The following PDE4D variants were observed in gnomAD, a reference collection of about 807,000 sequenced individuals.
PDE4D encodes the protein phosphodiesterase 4D.
Under a neutral mutation model 87.4 loss-of-function variants are expected in PDE4D, and 24 were observed. The ratio of observed to expected loss-of-function variants is 0.27; its 90% CI spans 0.20 to 0.39. The LOEUF (loss-of-function observed/expected upper bound fraction) is 0.39. Among genes scored for constraint, PDE4D ranks in the 10% least tolerant of loss-of-function variants. The pLI, the probability that PDE4D is intolerant of heterozygous loss-of-function variation, is 1.00. For missense variants in PDE4D, 714 were observed against 1,041.0 expected (o/e 0.69, Z 4.32); for synonymous variants, 384 against 383.2 (o/e 1.00, Z -0.02).
At chr5:59,478,540 G>C (rs776136319) in intron 1 of PDE4D, among the ~76,000 whole-genome samples, 5 of 151,930 alleles carry the variant, frequency 3.3e-5, no homozygotes, top group Admixed American at 6.6e-5. Flanking sequence ...TTTAAATTGG[G>C]TACAGAAAGA....
intron 3 of PDE4D, among the ~76,000 whole-genome samples, chr5:59,898,864 A>T (rs1437087953): frequency 6.6e-6 from 1 of 152,158 alleles, no homozygotes; most frequent in African/African-American, 2.4e-5. Context: ...GATGAGTAGG[A>T]TGCAAAGAGA....
chr5:60,378,254 C>T (rs1386353834), intron 1 of PDE4D, among the ~76,000 whole-genome samples: 1 of 152,288 alleles, frequency 6.6e-6, no homozygotes, highest in South Asian at 2.1e-4. Context: ...AAAGGGGACA[C>T]ATGTTGGGTT....
chr5:59,617,900 G>A (rs1829898847), intron 1 of PDE4D, among the ~76,000 whole-genome samples: 1 of 152,142 alleles, frequency 6.6e-6, no homozygotes, highest in South Asian at 2.1e-4. Flanking sequence ...CCAATGAAGT[G>A]CTTTTCACTA....
intron 1 of PDE4D, among the ~76,000 whole-genome samples, chr5:59,290,023 C>G (rs1268687098): frequency 6.6e-6 from 1 of 151,578 alleles, no homozygotes; most frequent in Non-Finnish European, 1.5e-5. Context: ...AAAAAGAGAA[C>G]ACAAAAAAAT....
intron 1 of PDE4D, among the ~76,000 whole-genome samples, chr5:60,225,786 TA>T (rs1176034747): frequency 6.6e-6 from 1 of 152,096 alleles, no homozygotes; most frequent in Non-Finnish European, 1.5e-5. Context: ...TTAAATAGAA[TA>T]AAAATCTTAT....
chr5:59,424,476 TCA>T (rs1269193194), intron 1 of PDE4D, among the ~76,000 whole-genome samples: 2 of 152,166 alleles, frequency 1.3e-5, no homozygotes, highest in Non-Finnish European at 2.9e-5. Flanking sequence ...GTTAACTGAC[TCA>T]CAGTTCCACA....
chr5:60,374,291 C>T (rs958815113), intron 1 of PDE4D, among the ~76,000 whole-genome samples: 1 of 151,948 alleles, frequency 6.6e-6, no homozygotes, highest in African/African-American at 2.4e-5. Flanking sequence ...CTCTCTCCCC[C>T]CAAAAAAACA....
chr5:59,193,788 T>C, intron 2 of PDE4D: 1 of 985,426 alleles, frequency 1.0e-6, no homozygotes, highest in African/African-American at 1.7e-5. Flanking sequence ...TGTTGCTTTT[T>C]AGGCACACAG....
chr5:59,270,735 T>C (rs1158208163), intron 1 of PDE4D, among the ~76,000 whole-genome samples: 1 of 152,170 alleles, frequency 6.6e-6, no homozygotes, highest in Non-Finnish European at 1.5e-5. Context: ...CATCTAGAAA[T>C]ATTCACAACA....
chr5:59,198,846 C>T (rs1746078437), intron 2 of PDE4D, among the ~76,000 whole-genome samples: 1 of 152,024 alleles, frequency 6.6e-6, no homozygotes, highest in Admixed American at 6.6e-5. Flanking sequence ...AATCCAAATG[C>T]CCACACTCTT....
intron 2 of PDE4D, among the ~76,000 whole-genome samples, chr5:60,066,096 G>A (rs1034709241): frequency 9.9e-5 from 15 of 152,100 alleles, no homozygotes; most frequent in African/African-American, 3.4e-4. Flanking sequence ...TCCAGCACCT[G>A]TTGTTTCCTG....
At chr5:60,478,642 C>G (rs1266049396) in intron 1 of PDE4D, among the ~76,000 whole-genome samples, 1 of 152,184 alleles carries the variant, frequency 6.6e-6, no homozygotes, top group Non-Finnish European at 1.5e-5. Context: ...CTTTTCCCCT[C>G]CAAGGTTATC....
intron 1 of PDE4D, among the ~76,000 whole-genome samples, chr5:59,262,749 TTTCTTGGC>T (rs1762234339): frequency 6.6e-6 from 1 of 151,884 alleles, no homozygotes; most frequent in African/African-American, 2.4e-5. Flanking sequence ...CACCAACAGA[TTTCTTGGC>T]TTCATATAAA....
chr5:59,163,601 T>A (rs1048982777), intron 5 of PDE4D, among the ~76,000 whole-genome samples: 13 of 152,216 alleles, frequency 8.5e-5, no homozygotes, highest in African/African-American at 2.9e-4. Flanking sequence ...TACAAATCTG[T>A]TGGATACCTC....
intron 1 of PDE4D, among the ~76,000 whole-genome samples, chr5:59,327,371 T>G (rs116616219): frequency 1.1e-4 from 17 of 152,170 alleles, no homozygotes; most frequent in African/African-American, 3.9e-4. Context: ...TGGCCCCTTC[T>G]GAGGCTTTCC....
intron 5 of PDE4D, among the ~76,000 whole-genome samples, chr5:59,096,206 A>G (rs930914003): frequency 6.6e-6 from 1 of 152,250 alleles, no homozygotes; most frequent in South Asian, 2.1e-4. Flanking sequence ...TTTTAATAAT[A>G]TTGGAATGGG....
chr5:60,144,699 C>T (rs1188119465), intron 2 of PDE4D, among the ~76,000 whole-genome samples: 1 of 152,198 alleles, frequency 6.6e-6, no homozygotes, highest in Admixed American at 6.5e-5. Context: ...AATAATCTTT[C>T]TCTCCTCTCT....
intron 1 of PDE4D, among the ~76,000 whole-genome samples, chr5:60,247,773 T>A (rs1041792068): frequency 1.3e-5 from 2 of 151,834 alleles, no homozygotes; most frequent in African/African-American, 4.8e-5. Flanking sequence ...GGGAGAGAGA[T>A]CATTTTTCAT....
chr5:59,062,526 T>A (rs1763274271), intron 5 of PDE4D, among the ~76,000 whole-genome samples: 1 of 152,080 alleles, frequency 6.6e-6, no homozygotes, highest in Non-Finnish European at 1.5e-5. Context: ...AAAGTGTCCT[T>A]GTTCTTGGGA....
Sources: gnomAD v4.1 joint callset for allele counts (sites outside exome capture counted in the v4.1 genomes callset) on GRCh38, gnomAD v4.1.1 for gene constraint, MANE v1.5 for transcripts, NCBI Gene and HGNC (gene_info 2026-07-23, HGNC 2026-07-21) for gene names.